The following MAST2 variants were observed in gnomAD, a reference collection of about 807,000 sequenced individuals.
MAST2 encodes microtubule associated serine/threonine kinase 2.
Under a neutral mutation model 147.4 loss-of-function variants are expected in MAST2, and 70 were observed. The observed-to-expected ratio is 0.47, with a 90% CI of 0.39 to 0.58. The LOEUF is 0.58. Ranked by LOEUF, MAST2 falls within the 20% of genes least tolerant of loss-of-function variation. MAST2 has a pLI of 0.00. For missense variants in MAST2, 2,080 were observed against 2,302.3 expected (o/e 0.90, Z 1.98); for synonymous variants, 869 against 896.8 (o/e 0.97, Z 0.55).
rs1182656817 is a variant in MAST2, at chr1:46,023,661, C to G, written c.1572-111C>G. 1.0e-6 allele frequency: 1 copy of G among 954,934 alleles called. No individual in the cohort carries two copies. Among genetic ancestry groups the G allele is most frequent in the Non-Finnish European group, 1.6e-6 (1 of 628,210 alleles). The allele number at this position is 954,934 out of a possible 1,614,324, so 59.2% of individuals were successfully genotyped here. Reference sequence around the variant, plus strand: ...CTTCTCACTGATATGCATGCCCTTGCCCCCTTGTTCTGTGCATTAATTAAG... The same window carrying G: ...CTTCTCACTGATATGCATGCCCTTGGCCCCTTGTTCTGTGCATTAATTAAG... On this transcript the variant is annotated intron_variant, in intron 14 of 28. Coordinates refer to ENST00000361297, the MANE Select transcript of MAST2 (RefSeq NM_015112.3). The surrounding 1 kb of genome is among the most constrained non-coding windows in gnomAD (Gnocchi z 4.9).
intron 5 of MAST2, among the ~76,000 whole-genome samples, chr1:45,970,667 C>CA (rs754544108): frequency 0.029 from 2,094 of 72,120 alleles, 60 homozygotes; most frequent in East Asian, 0.041. Context: ...GACTCTGTCT[C>CA]AAAAAAAAAA....
intron 3 of MAST2, among the ~76,000 whole-genome samples, chr1:45,878,203 C>CAAA (rs34794896): frequency 2.6e-4 from 30 of 114,776 alleles, no homozygotes; most frequent in African/African-American, 1.0e-3. Flanking sequence ...GGCTCTATCT[C>CAAA]AAAAAAAAAA....
At chr1:45,813,412 C>T (rs1644361110) in intron 1 of MAST2, among the ~76,000 whole-genome samples, 1 of 151,850 alleles carries the variant, frequency 6.6e-6, no homozygotes, top group Admixed American at 6.6e-5. Flanking sequence ...TCACTGGAAC[C>T]TCTGCCTCCT....
At chr1:45,968,694 T>A (rs1643748566) in intron 5 of MAST2, among the ~76,000 whole-genome samples, 1 of 152,056 alleles carries the variant, frequency 6.6e-6, no homozygotes, top group Admixed American at 6.5e-5. Flanking sequence ...GAATTTATCC[T>A]GCTTGGTATT....
At chr1:45,931,470 A>T (rs1433372795) in intron 4 of MAST2, among the ~76,000 whole-genome samples, 1 of 138,842 alleles carries the variant, frequency 7.2e-6, no homozygotes, top group African/African-American at 2.7e-5. Flanking sequence ...GGCTCAAGTG[A>T]TCTTCCCACC....
intron 1 of MAST2, among the ~76,000 whole-genome samples, chr1:45,822,152 G>A (rs1000047583): frequency 2.0e-5 from 3 of 152,032 alleles, no homozygotes; most frequent in African/African-American, 7.3e-5. Flanking sequence ...GCCTCCCAAA[G>A]TTCTGGGATT....
At chr1:45,812,945 C>T (rs1398721666) in intron 1 of MAST2, among the ~76,000 whole-genome samples, 1 of 151,940 alleles carries the variant, frequency 6.6e-6, no homozygotes, top group Non-Finnish European at 1.5e-5. Flanking sequence ...ACATTCAGCC[C>T]CTCAGGTCTG....
At chr1:45,879,572 CAA>C (rs56115997) in intron 3 of MAST2, among the ~76,000 whole-genome samples, 97 of 101,684 alleles carry the variant, frequency 9.5e-4, no homozygotes, top group Middle Eastern at 5.5e-3. Context: ...GACTCCATCT[CAA>C]AAAAAAAAAA....
intron 4 of MAST2, among the ~76,000 whole-genome samples, chr1:45,950,308 A>G (rs1043352318): frequency 2.0e-5 from 3 of 152,138 alleles, no homozygotes; most frequent in African/African-American, 7.2e-5. Context: ...GAGGGGAAAA[A>G]AGATGAGGTC....
At chr1:45,867,208 A>G (rs1242733223) in intron 3 of MAST2, among the ~76,000 whole-genome samples, 1 of 152,236 alleles carries the variant, frequency 6.6e-6, no homozygotes, top group African/African-American at 2.4e-5. Context: ...AAGTTTTATT[A>G]ATAGATTTAT....
intron 5 of MAST2, among the ~76,000 whole-genome samples, chr1:45,964,752 T>C (rs1463435265): frequency 3.3e-5 from 5 of 152,224 alleles, no homozygotes; most frequent in Non-Finnish European, 7.3e-5. Context: ...ATTTCTTGCC[T>C]TTTGCTAGCT....
At chr1:45,804,889 G>A (rs1434122944) in intron 1 of MAST2, among the ~76,000 whole-genome samples, 1 of 152,180 alleles carries the variant, frequency 6.6e-6, no homozygotes, top group African/African-American at 2.4e-5. Flanking sequence ...CCTTGGTCTT[G>A]TTGGATTTAC....
chr1:45,944,207 T>G (rs1309901220), intron 4 of MAST2, among the ~76,000 whole-genome samples: 1 of 152,232 alleles, frequency 6.6e-6, no homozygotes, highest in Non-Finnish European at 1.5e-5. Flanking sequence ...TATCACTTCC[T>G]TTCTTGTACT....
intron 4 of MAST2, among the ~76,000 whole-genome samples, chr1:45,940,475 G>A (rs188366047): frequency 1.1e-3 from 168 of 152,048 alleles, no homozygotes; most frequent in Middle Eastern, 3.4e-3. Flanking sequence ...ATTGACTTTT[G>A]TCTATCTGTG....
Position 46,002,859 on chromosome 1 carries a change from T to C in MAST2, c.723T>C (p.Thr241=), listed in dbSNP as rs774834952. Residue 241 remains threonine (T), a synonymous_variant, in exon 7 of 29, where the codon ACT becomes ACC. Transcript: ENST00000361297. ...CTTTGCCCTCTTCAGGATATGGAAC[T>C]AACACTCCTAGCTCCACTGTCTCAG... ...LASLPSSGYG[T]NTPSSTVSSS... is the part of the protein sequence containing the mutation. The C allele has an allele frequency of 1.9e-6, 3 of 1,614,206 alleles. No individual in the cohort carries two copies. Among genetic ancestry groups the C allele is most frequent in the Admixed American group, 3.3e-5 (2 of 60,022 alleles).
At chr1:45,928,692 A>T (rs540572690) in intron 4 of MAST2, among the ~76,000 whole-genome samples, 1 of 151,772 alleles carries the variant, frequency 6.6e-6, no homozygotes, top group Admixed American at 6.6e-5. Context: ...ACAATCCTCC[A>T]ACCTCAGCCT....
chr1:45,941,765 G>T (rs948990526), intron 4 of MAST2, among the ~76,000 whole-genome samples: 2 of 152,072 alleles, frequency 1.3e-5, no homozygotes, highest in African/African-American at 4.8e-5. Context: ...CAACATACTT[G>T]CCTTGTTCCT....
chr1:46,034,524 GTC>G lies in MAST2; in HGVS notation c.3869-10_3869-9del. ...TCTGCTTTTGTCTGTCTGTCTGTCTGTCTCTGTACAAAGTGGGAGGGAATTCA... is the reference window on the plus strand; with the variant it reads ...TCTGCTTTTGTCTGTCTGTCTGTCTGTCTGTACAAAGTGGGAGGGAATTCA... On this transcript the variant is annotated splice_polypyrimidine_tract_variant and intron_variant, in intron 28 of 28. Coordinates refer to ENST00000361297, the MANE Select transcript of MAST2 (RefSeq NM_015112.3). 1 of 1,608,362 alleles carries G rather than the reference GTC, an allele frequency of 6.2e-7. No homozygotes were observed. Among genetic ancestry groups the G allele is most frequent in the Non-Finnish European group, 8.5e-7 (1 of 1,176,638 alleles).
chr1:46,033,490 CAG>C lies in MAST2; in HGVS notation c.3538-307_3538-306del, dbSNP rs537039203. Among the ~76,000 whole-genome samples the C allele has an allele frequency of 1.1e-4, 16 of 151,502 alleles. No homozygotes were observed. The South Asian group carries it at 2.3e-3, about 22-fold the overall frequency. On this transcript the variant is annotated intron_variant, in intron 26 of 28. Transcript: ENST00000361297. ...CACACAGAACTTGAATGTGGCACAACAGAGAGTTTTCTCCACAAGGCAGTACC... is the reference window on the plus strand; with the variant it reads ...CACACAGAACTTGAATGTGGCACAACAGAGTTTTCTCCACAAGGCAGTACC...
Sources: gnomAD v4.1 joint callset for allele counts (sites outside exome capture counted in the v4.1 genomes callset) on GRCh38, gnomAD v4.1.1 for gene constraint, Gnocchi (gnomAD v3.1) non-coding constraint, MANE v1.5 for transcripts, NCBI Gene and HGNC (gene_info 2026-07-23, HGNC 2026-07-21) for gene names.